LRRC4C: variants seen among roughly 807,000 people sequenced by gnomAD.
LRRC4C encodes leucine rich repeat containing 4C.
LRRC4C carries 5 observed loss-of-function variants against 33.6 expected under a neutral mutation model. The observed-to-expected ratio is 0.15, with a 90% CI of 0.08 to 0.31. The LOEUF (loss-of-function observed/expected upper bound fraction) is 0.31. Ranked by LOEUF, LRRC4C falls within the 10% of genes least tolerant of loss-of-function variation. LRRC4C has a pLI of 1.00. For synonymous variants in LRRC4C, 329 were observed against 302.0 expected (o/e 1.09, Z -0.93); for missense variants, 560 against 796.7 (o/e 0.70, Z 3.58).
At chr11:40,925,898 A>G (rs950022583) in intron 2 of LRRC4C, among the ~76,000 whole-genome samples, 5 of 152,204 alleles carry the variant, frequency 3.3e-5, no homozygotes, top group African/African-American at 9.6e-5. Context: ...AAAAGATAAC[A>G]TTGGTAAATC....
At chr11:40,575,107 A>G (rs949596360) in intron 3 of LRRC4C, among the ~76,000 whole-genome samples, 1 of 152,210 alleles carries the variant, frequency 6.6e-6, no homozygotes, top group African/African-American at 2.4e-5. Context: ...GGACAATGGA[A>G]TCATCACTTA....
intron 1 of LRRC4C, among the ~76,000 whole-genome samples, chr11:41,240,559 C>T (rs79241443): frequency 0.019 from 2,965 of 152,242 alleles, 50 homozygotes; most frequent in Non-Finnish European, 0.027. Flanking sequence ...CTGCATTAAA[C>T]ATGAGTATCT....
intron 2 of LRRC4C, among the ~76,000 whole-genome samples, chr11:40,727,387 C>T (rs941133623): frequency 1.3e-5 from 2 of 152,110 alleles, no homozygotes; most frequent in Admixed American, 6.5e-5. Context: ...AAAAGAACCC[C>T]TGTTTTTCAC....
intron 2 of LRRC4C, among the ~76,000 whole-genome samples, chr11:40,876,260 GTT>G (rs34351895): frequency 2.2e-5 from 2 of 91,296 alleles, no homozygotes; most frequent in Non-Finnish European, 4.0e-5. Flanking sequence ...CTCAGTTAGG[GTT>G]TTTTTTTTTT....
At chr11:41,215,692 T>C (rs1273045877) in intron 1 of LRRC4C, among the ~76,000 whole-genome samples, 1 of 152,162 alleles carries the variant, frequency 6.6e-6, no homozygotes, top group Non-Finnish European at 1.5e-5. Flanking sequence ...ATTTGATCCA[T>C]GCTATAGCCT....
At chr11:41,413,309 T>C (rs1281803059) in intron 1 of LRRC4C, among the ~76,000 whole-genome samples, 1 of 152,196 alleles carries the variant, frequency 6.6e-6, no homozygotes. Flanking sequence ...CACCATGTGG[T>C]TTTACTTTTT....
At chr11:40,834,599 A>C (rs1364288950) in intron 2 of LRRC4C, among the ~76,000 whole-genome samples, 3 of 152,104 alleles carry the variant, frequency 2.0e-5, no homozygotes. Flanking sequence ...GTTAAGATTC[A>C]TTCATAGGCA....
chr11:40,594,111 C>T lies in LRRC4C; in HGVS notation c.-270+54031G>A, dbSNP rs181167813. ...TCTCCAACTCTCCTTAGCTCTCCCT[C>T]GTCATTGCAATAGTCCCTGATAGTC... On this transcript the variant is annotated intron_variant, in intron 3 of 6. Transcript: ENST00000528697. 4.6e-3 allele frequency among the ~76,000 whole-genome samples: 693 copies of T among 152,274 alleles called. 4 individuals are homozygous for T. The highest frequency in any genetic ancestry group is 8.1e-3 in the Non-Finnish European group (554 of 68,004).
chr11:41,319,775 T>G (rs1024024909), intron 1 of LRRC4C, among the ~76,000 whole-genome samples: 1 of 152,172 alleles, frequency 6.6e-6, no homozygotes, highest in Non-Finnish European at 1.5e-5. Flanking sequence ...GGTCTGGAAC[T>G]CCTGGGCTCA....
chr11:40,609,125 T>C (rs1960936382), intron 3 of LRRC4C, among the ~76,000 whole-genome samples: 1 of 152,068 alleles, frequency 6.6e-6, no homozygotes, highest in African/African-American at 2.4e-5. Flanking sequence ...CACATTCTTC[T>C]CAAGGGCACA....
At chr11:40,822,914 C>T (rs1952001204) in intron 2 of LRRC4C, among the ~76,000 whole-genome samples, 2 of 151,590 alleles carry the variant, frequency 1.3e-5, no homozygotes, top group Non-Finnish European at 3.0e-5. Flanking sequence ...TTCCCAGCAC[C>T]ATTTATAGAA....
chr11:40,268,812 GAA>G (rs1351638451), intron 4 of LRRC4C, among the ~76,000 whole-genome samples: 2 of 152,230 alleles, frequency 1.3e-5, no homozygotes, highest in East Asian at 3.9e-4. Context: ...CCTGGAGTCT[GAA>G]AATGCAGGTT....
intron 3 of LRRC4C, among the ~76,000 whole-genome samples, chr11:40,635,628 ATTTT>A (rs71060975): frequency 1.2e-4 from 11 of 92,198 alleles, no homozygotes; most frequent in African/African-American, 2.4e-4. Context: ...AAAGAACCAA[ATTTT>A]TTTTTTTTTT....
At position 40,896,798 on chromosome 11, in the gene LRRC4C, G is replaced by A. The variant is rs555516300; in HGVS notation, c.-407+36837C>T. ...CAATAGCATATTTAACAAGGTATGC[G>A]CATCTACTTACAATCTACGAGGTGC... On this transcript the variant is annotated intron_variant, in intron 2 of 6. Coordinates refer to ENST00000528697, the MANE Select transcript of LRRC4C (RefSeq NM_001258419.2). Among the ~76,000 whole-genome samples, 41 of 152,116 alleles carry A rather than the reference G, an allele frequency of 2.7e-4. 1 individual carries two copies. In the South Asian group the frequency reaches 3.7e-3, roughly 14 times the overall value.
chr11:41,056,797 CAT>C (rs573816173), intron 1 of LRRC4C, among the ~76,000 whole-genome samples: 3 of 152,204 alleles, frequency 2.0e-5, no homozygotes, highest in Admixed American at 2.0e-4. Flanking sequence ...AAAGGGAACA[CAT>C]ATACTGCTGG....
chr11:40,716,767 T>C (rs549095192), intron 2 of LRRC4C, among the ~76,000 whole-genome samples: 46 of 152,266 alleles, frequency 3.0e-4, no homozygotes, highest in Admixed American at 6.5e-4. Context: ...ATTACCCTTA[T>C]TATTCTAAAG....
intron 1 of LRRC4C, among the ~76,000 whole-genome samples, chr11:40,963,915 C>T (rs2136903738): frequency 6.6e-6 from 1 of 151,660 alleles, no homozygotes; most frequent in African/African-American, 2.4e-5. Flanking sequence ...GCAGAAATGC[C>T]AATATTTGGG....
At chr11:41,345,289 A>G (rs1951768049) in intron 1 of LRRC4C, among the ~76,000 whole-genome samples, 1 of 152,204 alleles carries the variant, frequency 6.6e-6, no homozygotes. Flanking sequence ...TGACTCAGAG[A>G]GGGAAAAATG....
chr11:40,574,900 C>G (rs1958125829), intron 3 of LRRC4C, among the ~76,000 whole-genome samples: 1 of 152,168 alleles, frequency 6.6e-6, no homozygotes, highest in African/African-American at 2.4e-5. Flanking sequence ...GGCCTACACA[C>G]TCTAGAAGGT....
Sources: gnomAD v4.1 joint callset for allele counts (sites outside exome capture counted in the v4.1 genomes callset) on GRCh38, gnomAD v4.1.1 for gene constraint, MANE v1.5 for transcripts, NCBI Gene and HGNC (gene_info 2026-07-23, HGNC 2026-07-21) for gene names.